The following CRELD2 variants were observed in gnomAD, a reference collection of about 807,000 sequenced individuals.
CRELD2 encodes CRELD disulfide isomerase 2.
In CRELD2, 33 loss-of-function variants were observed where a neutral mutation model predicts 48.1. The observed-to-expected ratio is 0.69, with a 90% CI of 0.52 to 0.92. CRELD2 has a LOEUF of 0.92. Ranked by LOEUF, CRELD2 falls within the 40% of genes least tolerant of loss-of-function variation. CRELD2 has a pLI of 0.00. For synonymous variants in CRELD2, 220 were observed against 203.9 expected, an observed-to-expected ratio of 1.08 and a Z score of -0.67; for missense variants, 477 against 482.4, an observed-to-expected ratio of 0.99 and a Z score of 0.10.
chr22:49,927,131 C>T (rs768793941), intron 9 of CRELD2, 124 bp from the exon 10 acceptor site: 33 of 838,828 alleles, frequency 3.9e-5, no homozygotes, highest in African/African-American at 6.8e-5. Flanking sequence ...TGGATGGCTG[C>T]GTCCGGGGCT....
At position 49,922,598 on chromosome 22, in the gene CRELD2, C is replaced by T. The variant is rs2146649318; in HGVS notation, c.593-14C>T. 1.3e-6 allele frequency: 2 copies of T among 1,531,744 alleles called. No individual in the cohort carries two copies. Among genetic ancestry groups the T allele is most frequent in the Non-Finnish European group, 1.8e-6 (2 of 1,131,884 alleles). The allele number at this position is 1,531,744 out of a possible 1,614,324, so 94.9% of individuals were successfully genotyped here. ...AGAGTGGGGTTTGTACCCAGGCCCG[C>T]CTTTGCCTTCCAGCCTGTGACGAGT... is the stretch of plus-strand genomic sequence containing the variant. On this transcript the variant is annotated splice_polypyrimidine_tract_variant and intron_variant, in intron 5 of 9. Transcript: ENST00000328268.
At position 49,920,291 on chromosome 22, in the gene CRELD2, C is replaced by T. The variant is rs768866055; in HGVS notation, c.415+44C>T. On this transcript the variant is annotated intron_variant, in intron 4 of 9. Coordinates refer to ENST00000328268, the MANE Select transcript of CRELD2 (RefSeq NM_024324.5). ...AAATCCCATCTCCTACGTCACTTCC[C>T]CTCTTCTTCTCATGATTCTTGGGAG... 7 of 1,309,682 alleles carry T rather than the reference C, an allele frequency of 5.3e-6. No homozygotes were observed. The South Asian group carries it at 7.2e-5, about 13-fold the overall frequency. 81.1% of individuals were successfully genotyped at this position (1,309,682 alleles called of 1,614,324 possible).
At chr22:49,920,084 A>C in intron 3 of CRELD2, 72 bp from the exon 4 acceptor site, 2 of 1,003,256 alleles carry the variant, frequency 2.0e-6, no homozygotes, top group Non-Finnish European at 3.2e-6. Flanking sequence ...AGCATATGTT[A>C]CGTTCAGCTG....
intron 6 of CRELD2, 143 bp downstream of exon 6, chr22:49,922,850 A>AGGTGTGGGGCTTGG (rs2060710924): frequency 1.4e-5 from 1 of 69,228 alleles, no homozygotes; most frequent in Non-Finnish European, 2.4e-5. Flanking sequence ...TGGGGGCGTG[A>AGGTGTGGGGCTTGG]GGTGTGGGGC....
rs2060734615 is a variant in CRELD2, at chr22:49,924,298, G to A, written c.773-62G>A. 4.9e-6 allele frequency: 6 copies of A among 1,226,990 alleles called. No homozygotes were observed. In the Admixed American group the frequency reaches 5.7e-5, roughly 12 times the overall value. The allele number at this position is 1,226,990 out of a possible 1,614,324, so 76.0% of individuals were successfully genotyped here. A position where few individuals can be genotyped will look rare whatever the true frequency, so the allele number is the denominator to read the frequency against. The stretch of plus-strand genomic sequence containing the variant: ...GCGGCACCGGTGCCTTGTGCATGTC[G>A]GGGTCTGACGGGCACTGGTGCCTTG... On this transcript the variant is annotated intron_variant, in intron 7 of 9. Coordinates refer to ENST00000328268, the MANE Select transcript of CRELD2 (RefSeq NM_024324.5).
rs1281807861 is a variant in CRELD2 at position 49,921,587 on chromosome 22, T to C, written c.418T>C (p.Cys140Arg). The C allele has an allele frequency of 6.2e-7, 1 of 1,612,178 alleles. No homozygotes were observed. The highest frequency in any genetic ancestry group is 8.5e-7 in the Non-Finnish European group (1 of 1,179,672). ...PGTYGPDCLA[C>R]QGGSQRPCSG... ...GCATGGTTTTGTGTCCCCTAAAGCA[T>C]GCCAGGGCGGATCCCAGAGGCCCTG... The change falls in exon 5 of 10, where the codon TGC becomes CGC. Residue 140 changes from cysteine to arginine, a missense_variant and splice_region_variant. By Grantham distance (180) the Cys-to-Arg change is radical. Coordinates refer to ENST00000328268, the MANE Select transcript of CRELD2 (RefSeq NM_024324.5).
intron 7 of CRELD2, 139 bp from the exon 8 acceptor site, chr22:49,924,221 C>T (rs1423557690): frequency 3.3e-6 from 2 of 607,218 alleles, no homozygotes; most frequent in Non-Finnish European, 5.9e-6. Flanking sequence ...GAGACAGAGA[C>T]AGATCGTTAT....
At chr22:49,920,397 C>T in intron 4 of CRELD2, 150 bp downstream of exon 4, 1 of 608,636 alleles carries the variant, frequency 1.6e-6, no homozygotes, top group South Asian at 2.0e-5. Context: ...TCCCCCATCC[C>T]CAACACAGCT....
intron 5 of CRELD2, chr22:49,922,283 ACGCCCCTCAGCAGTCAGGACCGGCCT>A: frequency 7.3e-7 from 1 of 1,378,096 alleles, no homozygotes; most frequent in South Asian, 1.3e-5. Flanking sequence ...TCCGATTCTT[ACGCCCCTCAGCAGTCAGGACCGGCCT>A]CTCCGATTCT....
At chr22:49,923,041 C>T (rs1335583584) in intron 6 of CRELD2, among the ~76,000 whole-genome samples, 193 bp from the exon 7 acceptor site, 1 of 152,004 alleles carries the variant, frequency 6.6e-6, no homozygotes, top group African/African-American at 2.4e-5. Context: ...GCCTGGCCAT[C>T]GCCTCATCCC....
chr22:49,919,637 C>T, intron 2 of CRELD2, 93 bp from the exon 3 acceptor site: 2 of 932,474 alleles, frequency 2.1e-6, no homozygotes, highest in South Asian at 1.7e-5. Flanking sequence ...TCCTGGCTCC[C>T]CGGCCCCTGC....
At chr22:49,922,547 G>T in intron 5 of CRELD2, 65 bp from the exon 6 acceptor site, 1 of 1,482,900 alleles carries the variant, frequency 6.7e-7, no homozygotes, top group East Asian at 2.5e-5. Flanking sequence ...ACTTTTAAAC[G>T]AGCCTTGTCC....
chr22:49,924,342 G>T lies in CRELD2; in HGVS notation c.773-18G>T. On this transcript the variant is annotated intron_variant, in intron 7 of 9. Coordinates refer to ENST00000328268, the MANE Select transcript of CRELD2 (RefSeq NM_024324.5). Reference sequence around the variant, plus strand: ...TGCCTTGTGCATGTCGGGGTCTGACGCTGGCTCCCTGTTGCAGAGTGTGAC... The same window carrying T: ...TGCCTTGTGCATGTCGGGGTCTGACTCTGGCTCCCTGTTGCAGAGTGTGAC... 6.3e-7 allele frequency: 1 copy of T among 1,595,116 alleles called. No individual in the cohort carries two copies. The highest frequency in any genetic ancestry group is 8.6e-7 in the Non-Finnish European group (1 of 1,166,888).
At chr22:49,926,595 G>GGGTCC (rs2060766540) in intron 9 of CRELD2, 1 of 144,122 alleles carries the variant, frequency 6.9e-6, no homozygotes. Context: ...GGCTGGCCCT[G>GGGTCC]CCTCTTGCCC....
Position 49,927,289 on chromosome 22 carries a change from CT to C in CRELD2, c.1045del (p.Ser349ProfsTer67). ...TEGESPTQLP[S>X]REDL ...AAGGAGAAAGCCCGACACAGCTGCC[CT>C]CCCGCGAAGACCTGTAATGTGCCGG... On this transcript the variant is annotated frameshift_variant, in exon 10 of 10. Coordinates refer to ENST00000328268, the MANE Select transcript of CRELD2 (RefSeq NM_024324.5). LOFTEE classifies it high-confidence loss of function. 1 of 1,612,414 alleles carries C rather than the reference CT, an allele frequency of 6.2e-7. No individual in the cohort carries two copies. Among genetic ancestry groups the C allele is most frequent in the Non-Finnish European group, 8.5e-7 (1 of 1,179,758 alleles).
At chr22:49,927,165 G>A (rs2060776693) in intron 9 of CRELD2, 90 bp from the exon 10 acceptor site, 1 of 1,153,666 alleles carries the variant, frequency 8.7e-7, no homozygotes, top group Admixed American at 1.7e-5. Flanking sequence ...GGACGGGCAG[G>A]CCCTGCACAT....
chr22:49,922,180 C>G, intron 5 of CRELD2: 1 of 1,186,672 alleles, frequency 8.4e-7, no homozygotes, highest in African/African-American at 1.6e-5. Flanking sequence ...TAGGAAAACT[C>G]TGAGTGTCTC....
Position 49,919,275 on chromosome 22 carries a change from G to A in CRELD2, c.175G>A (p.Ala59Thr). ...AKKNFGGGNTAWEEKTLSKYE... is the reference protein window; with the variant it reads ...AKKNFGGGNTTWEEKTLSKYE... Reference sequence around the variant, plus strand: ...GAAGAACTTTGGCGGCGGGAACACGGCTTGGGAGGAAAAGACGCTGTCCAA... The same window carrying A: ...GAAGAACTTTGGCGGCGGGAACACGACTTGGGAGGAAAAGACGCTGTCCAA... Residue 59 changes from alanine (A) to threonine (T), a missense_variant, in exon 2 of 10, where the codon GCT becomes ACT. By Grantham distance (58) the Ala-to-Thr change is moderately conservative (BLOSUM62 0). Transcript: ENST00000328268. The A allele has an allele frequency of 6.2e-7, 1 of 1,613,720 alleles. No homozygotes were observed.
At position 49,919,908 on chromosome 22, in the gene CRELD2, A is replaced by C. The variant is rs557968925; in HGVS notation, c.323+68A>C. 1.3e-4 allele frequency: 157 copies of C among 1,242,314 alleles called. 2 individuals are homozygous for C. In the South Asian group the frequency reaches 1.9e-3, roughly 15 times the overall value. 77.0% of individuals were successfully genotyped at this position (1,242,314 alleles called of 1,614,324 possible). ...AACTTAGAATTTGAAATAACCTCAG[A>C]CTTAGAAAGGTACAGGAACAGTAGG... On this transcript the variant is annotated intron_variant, in intron 3 of 9. Transcript: ENST00000328268.
Sources: allele counts gnomAD v4.1 joint callset (sites outside exome capture counted in the v4.1 genomes callset), GRCh38; gene constraint gnomAD v4.1.1; transcripts MANE v1.5; gene names NCBI Gene and HGNC (gene_info 2026-07-23, HGNC 2026-07-21).